Variants in MACROD2 observed in about 807,000 individuals in gnomAD.
MACROD2 encodes ADP-ribose glycohydrolase MACROD2.
Under a neutral mutation model 70.4 loss-of-function variants are expected in MACROD2, and 36 were observed. The ratio of observed to expected loss-of-function variants is 0.51; its 90% CI spans 0.39 to 0.68. The LOEUF is 0.68. MACROD2 is among the 30% of genes least tolerant of loss of function. The pLI, the probability that MACROD2 is intolerant of heterozygous loss-of-function variation, is 0.00. For missense variants in MACROD2, 496 were observed against 538.4 expected, an observed-to-expected ratio of 0.92 and a Z score of 0.78; for synonymous variants, 172 against 178.8, an observed-to-expected ratio of 0.96 and a Z score of 0.30.
intron 4 of MACROD2, among the ~76,000 whole-genome samples, chr20:14,593,451 T>C (rs1164622274): frequency 6.6e-6 from 1 of 152,146 alleles, no homozygotes; most frequent in Non-Finnish European, 1.5e-5. Context: ...AATGTAACTG[T>C]TTTAATTAAC....
chr20:14,467,804 G>A (rs182495250), intron 3 of MACROD2, among the ~76,000 whole-genome samples: 30 of 152,190 alleles, frequency 2.0e-4, no homozygotes, highest in African/African-American at 5.3e-4. Flanking sequence ...ATTCTGGTAC[G>A]TTGTGTCATT....
intron 5 of MACROD2, among the ~76,000 whole-genome samples, chr20:15,124,351 T>TTG (rs2076051461): frequency 4.2e-4 from 1 of 2,396 alleles, no homozygotes; most frequent in South Asian, 0.036. Flanking sequence ...AATTTCCTAG[T>TTG]TTTTTTTTTT....
intron 10 of MACROD2, among the ~76,000 whole-genome samples, chr20:15,914,970 A>G (rs1352478881): frequency 1.3e-5 from 2 of 151,966 alleles, no homozygotes; most frequent in African/African-American, 2.4e-5. Flanking sequence ...GTAAATGAAC[A>G]GCCAGATGAA....
intron 4 of MACROD2, among the ~76,000 whole-genome samples, chr20:14,621,318 G>T (rs1983813167): frequency 6.6e-6 from 1 of 151,968 alleles, no homozygotes; most frequent in Non-Finnish European, 1.5e-5. Context: ...TATGGGGTTG[G>T]GATAAGTTTA....
chr20:14,019,547 A>G (rs769315141), intron 2 of MACROD2, among the ~76,000 whole-genome samples: 23 of 152,306 alleles, frequency 1.5e-4, no homozygotes, highest in Non-Finnish European at 4.4e-5. Flanking sequence ...TGCTGGGATT[A>G]CAGTTGTGAG....
intron 6 of MACROD2, among the ~76,000 whole-genome samples, chr20:15,369,961 C>T (rs181984609): frequency 1.3e-3 from 200 of 152,166 alleles, no homozygotes; most frequent in Non-Finnish European, 2.5e-3. Context: ...TTCTAAAAAT[C>T]TCTGACCTCT....
chr20:15,840,882 C>T (rs139004787), intron 8 of MACROD2, among the ~76,000 whole-genome samples: 48 of 152,238 alleles, frequency 3.2e-4, no homozygotes, highest in Non-Finnish European at 5.6e-4. Context: ...TCCCCGCGCA[C>T]TAAGTCTGAG....
intron 3 of MACROD2, among the ~76,000 whole-genome samples, chr20:14,244,039 T>C: frequency 6.6e-6 from 1 of 152,216 alleles, no homozygotes; most frequent in East Asian, 1.9e-4. Flanking sequence ...CTAAAGATAA[T>C]CATCAAAGAC....
chr20:14,189,702 C>A (rs1376124030), intron 3 of MACROD2, among the ~76,000 whole-genome samples: 1 of 152,152 alleles, frequency 6.6e-6, no homozygotes, highest in African/African-American at 2.4e-5. Context: ...GAAAAGGCAA[C>A]TTCTGTGAAG....
intron 6 of MACROD2, among the ~76,000 whole-genome samples, chr20:15,317,495 A>ATCTG (rs1232651537): frequency 7.1e-6 from 1 of 141,478 alleles, no homozygotes; most frequent in Non-Finnish European, 1.6e-5. Flanking sequence ...CTATCTATCT[A>ATCTG]TCTATCTATC....
chr20:14,003,015 AATAG>A (rs2052755573), intron 2 of MACROD2, among the ~76,000 whole-genome samples: 1 of 152,010 alleles, frequency 6.6e-6, no homozygotes, highest in Non-Finnish European at 1.5e-5. Context: ...AAAACAACAT[AATAG>A]ATTTAATGGA....
rs143956034 is a variant in MACROD2, at chr20:14,439,252, T to C, written c.272-54227T>C. On this transcript the variant is annotated intron_variant, in intron 3 of 17. Coordinates refer to ENST00000684519, the MANE Select transcript of MACROD2 (RefSeq NM_001351661.2). ...CTTTTGAGCTCTCTACTCTGTTCTCTGTGTCTCTTTTTTTATGCTAGTACC... is the reference window on the plus strand; with the variant it reads ...CTTTTGAGCTCTCTACTCTGTTCTCCGTGTCTCTTTTTTTATGCTAGTACC... 9.5e-3 allele frequency among the ~76,000 whole-genome samples: 1,445 copies of C among 152,290 alleles called. 16 individuals carry two copies. Among genetic ancestry groups the C allele is most frequent in the Non-Finnish European group, 0.014 (944 of 68,032 alleles).
chr20:14,568,348 A>G (rs1406071501), intron 4 of MACROD2, among the ~76,000 whole-genome samples: 5 of 152,042 alleles, frequency 3.3e-5, no homozygotes, highest in African/African-American at 1.2e-4. Context: ...AGGTTCCCCA[A>G]TGCATGACAT....
intron 8 of MACROD2, among the ~76,000 whole-genome samples, chr20:15,662,869 G>T (rs1035958450): frequency 2.0e-5 from 3 of 152,058 alleles, no homozygotes; most frequent in Admixed American, 6.5e-5. Flanking sequence ...AGGCACATTG[G>T]TATTAGCATT....
chr20:14,051,091 A>G (rs1386706678), intron 2 of MACROD2, among the ~76,000 whole-genome samples: 2 of 152,228 alleles, frequency 1.3e-5, no homozygotes, highest in Non-Finnish European at 2.9e-5. Context: ...AACAGTATGC[A>G]TAGTATGGTA....
chr20:15,301,591 CTTT>C (rs71340214), intron 6 of MACROD2, among the ~76,000 whole-genome samples: 9 of 81,248 alleles, frequency 1.1e-4, no homozygotes, highest in East Asian at 3.3e-4. Context: ...GGTAGGTGGC[CTTT>C]TTTTTTTTTT....
intron 6 of MACROD2, among the ~76,000 whole-genome samples, chr20:15,344,414 C>CT (rs2078142200): frequency 6.6e-6 from 1 of 152,120 alleles, no homozygotes; most frequent in African/African-American, 2.4e-5. Context: ...AGAAAAAGCT[C>CT]TTCTGTGCTA....
chr20:14,566,400 T>A (rs1456568217), intron 4 of MACROD2, among the ~76,000 whole-genome samples: 2 of 151,870 alleles, frequency 1.3e-5, no homozygotes, highest in Non-Finnish European at 2.9e-5. Flanking sequence ...AAATAGCCAA[T>A]GCACTCCAGC....
chr20:14,300,990 C>T (rs576650766), intron 3 of MACROD2, among the ~76,000 whole-genome samples: 1 of 152,298 alleles, frequency 6.6e-6, no homozygotes, highest in Admixed American at 6.5e-5. Flanking sequence ...ATATTGAGCA[C>T]TTAGTATGTT....
Sources: gnomAD v4.1 joint callset for allele counts (sites outside exome capture counted in the v4.1 genomes callset) on GRCh38, gnomAD v4.1.1 for gene constraint, MANE v1.5 for transcripts, NCBI Gene and HGNC (gene_info 2026-07-23, HGNC 2026-07-21) for gene names.